Variants in ATP8B2 observed in about 807,000 individuals in gnomAD.
The protein encoded by ATP8B2 is phospholipid-transporting ATPase ID.
A neutral mutation model predicts 133.4 loss-of-function variants in ATP8B2; 70 were observed. That is an observed-to-expected ratio of 0.52 (90% CI 0.43 to 0.64). ATP8B2 has a LOEUF of 0.64. Ranked by LOEUF, ATP8B2 falls within the 30% of genes least tolerant of loss-of-function variation. The pLI is 0.00. For missense variants in ATP8B2, 1,101 were observed against 1,535.7 expected (o/e 0.72, Z 4.73); for synonymous variants, 517 against 589.5 (o/e 0.88, Z 1.78).
Position 154,348,612 on chromosome 1 carries a change from G to T in ATP8B2, c.3294+74G>T, listed in dbSNP as rs1166484797. 5.8e-6 allele frequency: 9 copies of T among 1,564,456 alleles called. No homozygotes were observed. In the East Asian group the frequency reaches 1.8e-4, roughly 31 times the overall value. The stretch of plus-strand genomic sequence containing the variant: ...AAAGGCCTCATGTGAACACTGGGGG[G>T]CTCTGTGGGGCCATGTGGCTGTTCA... On this transcript the variant is annotated intron_variant, in intron 27 of 27. Transcript: ENST00000368489.
chr1:154,340,396 C>T lies in ATP8B2; in HGVS notation c.1035-458C>T, dbSNP rs913232288. 2.9e-5 allele frequency: 5 copies of T among 172,082 alleles called. No individual in the cohort carries two copies. The highest frequency in any genetic ancestry group is 6.8e-5 in the Non-Finnish European group (5 of 73,620). 10.7% of individuals were successfully genotyped at this position (172,082 alleles called of 1,614,324 possible). A position where few individuals can be genotyped will look rare whatever the true frequency, so the allele number is the denominator to read the frequency against. On this transcript the variant is annotated intron_variant, in intron 12 of 27. Transcript: ENST00000368489. This position sits in a 1 kb window ranked among gnomAD's most constrained non-coding sequence, Gnocchi z 4.0. ...GGGCTTCAAGCCTTCTCCATTTCCC[C>T]TCCCCGGTGCCACCCCTCTTTGAGG... is the stretch of plus-strand genomic sequence containing the variant.
chr1:154,334,934 A>G lies in ATP8B2; in HGVS notation c.837+343A>G, dbSNP rs1686124945. On this transcript the variant is annotated intron_variant, in intron 11 of 27. Transcript: ENST00000368489. The surrounding 1 kb of genome is among the most constrained non-coding windows in gnomAD (Gnocchi z 4.6). ...GGGGATGGAGAGGGAATTAAAAGAAAAATTTCCATTTGGAAGAGGTTGGCA... is the reference window on the plus strand; with the variant it reads ...GGGGATGGAGAGGGAATTAAAAGAAGAATTTCCATTTGGAAGAGGTTGGCA... Among the ~76,000 whole-genome samples the G allele has an allele frequency of 2.6e-5, 4 of 152,164 alleles. No individual in the cohort carries two copies. Among genetic ancestry groups the G allele is most frequent in the African/African-American group, 9.7e-5 (4 of 41,438 alleles).
rs1558278246 is a variant in ATP8B2 at position 154,350,913 on chromosome 1, G to A, written c.*1795G>A. ...CCATATGGGAGCCCCAAAGGAACTG[G>A]ATGGGCTGCAGTGAGGTGGGGGCGG... On this transcript the variant is annotated 3_prime_UTR_variant, in exon 28 of 28. Transcript: ENST00000368489. 1 of 143,566 alleles carries A rather than the reference G, an allele frequency of 7.0e-6. No homozygotes were observed. The allele number at this position is 143,566 out of a possible 1,614,324, so 8.9% of individuals were successfully genotyped here. A position where few individuals can be genotyped will look rare whatever the true frequency, so the allele number is the denominator to read the frequency against.
At chr1:154,333,765 G>A (rs1316344088) in intron 9 of ATP8B2, among the ~76,000 whole-genome samples, 1 of 150,882 alleles carries the variant, frequency 6.6e-6, no homozygotes, top group Non-Finnish European at 1.5e-5. Context: ...CTCCCGATTA[G>A]CTAGAATTAC....
At chr1:154,337,201 C>T in intron 11 of ATP8B2, 147 bp from the exon 12 acceptor site, 1 of 791,516 alleles carries the variant, frequency 1.3e-6, no homozygotes, top group South Asian at 1.9e-5. Context: ...TGTTGGGCCA[C>T]ATGTGGCCCA....
At chr1:154,330,704 C>G in intron 3 of ATP8B2, 111 bp from the exon 4 acceptor site, 1 of 948,038 alleles carries the variant, frequency 1.1e-6, no homozygotes, top group South Asian at 1.5e-5. Context: ...CCTGTGTTTG[C>G]TAGCTTTTGG....
intron 2 of ATP8B2, chr1:154,329,037 C>T (rs1215912438): frequency 7.7e-7 from 1 of 1,303,660 alleles, no homozygotes; most frequent in African/African-American, 1.5e-5. Flanking sequence ...GCCCAGGCGC[C>T]TCCCTCTTGG....
Position 154,346,533 on chromosome 1 carries a change from T to C in ATP8B2, c.3024+57T>C, listed in dbSNP as rs1241461967. The C allele has an allele frequency of 2.5e-6, 4 of 1,606,478 alleles. No individual in the cohort carries two copies. Among genetic ancestry groups the C allele is most frequent in the South Asian group, 2.2e-5 (2 of 90,052 alleles). ...CTGGAAGGAGTGAGCCTTCTGTCCC[T>C]GGGGCTGCCCTGGGCACCACAGTTC... is the stretch of plus-strand genomic sequence containing the variant. On this transcript the variant is annotated intron_variant, in intron 25 of 27. Transcript: ENST00000368489. The surrounding 1 kb of genome is among the most constrained non-coding windows in gnomAD (Gnocchi z 4.5).
Position 154,346,130 on chromosome 1 carries a change from GAA to G in ATP8B2, c.2779-99_2779-98del. 6.6e-7 allele frequency: 1 copy of G among 1,509,798 alleles called. No individual in the cohort carries two copies. Among genetic ancestry groups the G allele is most frequent in the Non-Finnish European group, 9.0e-7 (1 of 1,113,238 alleles). 93.5% of individuals were successfully genotyped at this position (1,509,798 alleles called of 1,614,324 possible). A position where few individuals can be genotyped will look rare whatever the true frequency, so the allele number is the denominator to read the frequency against. Reference sequence around the variant, plus strand: ...TTGGTTCTAGCTGCCAAAGACTTTGGAAAGGAGGAGGCAGGGACAGAGTCAGA... The same window carrying G: ...TTGGTTCTAGCTGCCAAAGACTTTGGAGGAGGAGGCAGGGACAGAGTCAGA... On this transcript the variant is annotated intron_variant, in intron 24 of 27. Coordinates refer to ENST00000368489, the MANE Select transcript of ATP8B2 (RefSeq NM_001370597.1). This position sits in a 1 kb window ranked among gnomAD's most constrained non-coding sequence, Gnocchi z 4.5.
rs1210988650 is a variant in ATP8B2, at chr1:154,330,920, A to C, written c.196A>C (p.Ile66Leu). The C allele has an allele frequency of 1.2e-6, 2 of 1,613,302 alleles. No individual in the cohort carries two copies. The highest frequency in any genetic ancestry group is 1.7e-5 in the Admixed American group (1 of 59,982). Reference sequence around the variant, plus strand: ...CAACACTTACTTCCTGTTCCTCCTCATTCTGCAGGTAGGTGACCCATAGTA... The same window carrying C: ...CAACACTTACTTCCTGTTCCTCCTCCTTCTGCAGGTAGGTGACCCATAGTA... ...VANTYFLFLL[I>L]LQLIPQISSL... The change falls in exon 4 of 28, where the codon ATT (isoleucine) becomes CTT (leucine). Residue 66 changes from isoleucine (I) to leucine (L), a missense_variant. By Grantham distance (5) the Ile-to-Leu change is conservative. Coordinates refer to ENST00000368489, the MANE Select transcript of ATP8B2 (RefSeq NM_001370597.1).
intron 13 of ATP8B2, 72 bp from the exon 14 acceptor site, chr1:154,342,408 G>A: frequency 1.4e-6 from 2 of 1,459,314 alleles, no homozygotes; most frequent in Non-Finnish European, 1.9e-6. Context: ...ATTCTGCATT[G>A]GAGATGTTTT....
Position 154,346,723 on chromosome 1 carries a change from T to C in ATP8B2, c.3128T>C (p.Leu1043Pro). The C allele has an allele frequency of 6.2e-7, 1 of 1,614,178 alleles. No homozygotes were observed. Among genetic ancestry groups the C allele is most frequent in the South Asian group, 1.1e-5 (1 of 91,076 alleles). ...AILFAMHSNG[L>P]FDMFPNQFRF... ...CTCTTTGCCATGCACAGCAATGGGC[T>C]CTTCGACATGTTTCCCAACCAGTTC... Residue 1043 changes from leucine to proline, a missense_variant, in exon 26 of 28, where the codon CTC (leucine) becomes CCC (proline). Coordinates refer to ENST00000368489, the MANE Select transcript of ATP8B2 (RefSeq NM_001370597.1). This position sits in a 1 kb window ranked among gnomAD's most constrained non-coding sequence, Gnocchi z 4.5.
At position 154,337,422 on chromosome 1, in the gene ATP8B2, G is replaced by A. The variant is rs112847210; in HGVS notation, c.912G>A (p.Met304Ile). The change falls in exon 12 of 28, where the codon ATG becomes ATA. Residue 304 changes from methionine (M) to isoleucine (I), a missense_variant. Met to Ile is a conservative substitution (Grantham distance 10, BLOSUM62 1). Transcript: ENST00000368489. ...CCATCTGGGAGCACGAGGTGGGGAT[G>A]CGTTTCCAGGTCTACCTGCCGTGGG... ...GNAIWEHEVG[M>I]RFQVYLPWDE... is the part of the protein sequence containing the mutation. 6.2e-7 allele frequency: 1 copy of A among 1,614,208 alleles called. No individual in the cohort carries two copies. The highest frequency in any genetic ancestry group is 8.5e-7 in the Non-Finnish European group (1 of 1,180,044).
Position 154,345,409 on chromosome 1 carries a change from T to G in ATP8B2, c.2558T>G (p.Leu853Arg), listed in dbSNP as rs1315532422. The change falls in exon 23 of 28, where the codon CTG becomes CGG. Residue 853 changes from leucine to arginine, a missense_variant. Leu to Arg is a moderately radical substitution (Grantham distance 102). Transcript: ENST00000368489. This position sits in a 1 kb window ranked among gnomAD's most constrained non-coding sequence, Gnocchi z 5.6. ...SDYSFSQFKF[L>R]QRLLLVHGRW... is the part of the protein sequence containing the mutation. The stretch of plus-strand genomic sequence containing the variant: ...TACTCCTTCTCCCAGTTCAAGTTCC[T>G]GCAGCGCCTCCTGCTGGTGCATGGG... 1 of 1,614,226 alleles carries G rather than the reference T, an allele frequency of 6.2e-7. No individual in the cohort carries two copies. Among genetic ancestry groups the G allele is most frequent in the South Asian group, 1.1e-5 (1 of 91,088 alleles).
chr1:154,342,896 A>C lies in ATP8B2; in HGVS notation c.1388A>C (p.His463Pro), dbSNP rs751108404. 3.1e-6 allele frequency: 5 copies of C among 1,614,156 alleles called. No homozygotes were observed. Among genetic ancestry groups the C allele is most frequent in the East Asian group, 2.2e-5 (1 of 44,864 alleles). ...LLEAVKIGDP[H>P]THEFFRLLSL... ...GAGGCTGTCAAGATCGGGGACCCCC[A>C]CACGCATGAGTTCTTCCGCCTCCTT... The change falls in exon 15 of 28, where the codon CAC (histidine) becomes CCC (proline). Residue 463 changes from histidine (H) to proline (P), a missense_variant. His to Pro is a moderately conservative substitution (Grantham distance 77). Transcript: ENST00000368489.
At position 154,344,647 on chromosome 1, in the gene ATP8B2, C is replaced by T. The variant is rs147496469; in HGVS notation, c.2148C>T (p.Ala716=). The T allele has an allele frequency of 1.0e-5, 16 of 1,607,994 alleles. No homozygotes were observed. The African/African-American group carries it at 1.9e-4, about 19-fold the overall frequency. The change falls in exon 21 of 28, where the codon GCC becomes GCT. Residue 716 remains alanine (A), a synonymous_variant. Transcript: ENST00000368489. This position sits in a 1 kb window ranked among gnomAD's most constrained non-coding sequence, Gnocchi z 4.1. ...VLEVREELRK[A]REKMMDSSRS... is the part of the protein sequence containing the mutation. ...ATCATTTCCACCTCGACAGGAAAGC[C>T]CGGGAGAAGATGATGGACTCATCCC...
In ATP8B2 at chr1:154,346,241, A is replaced by C. The variant is rs1312811280; in HGVS notation, c.2789A>C (p.Glu930Ala). 6.2e-7 allele frequency: 1 copy of C among 1,613,800 alleles called. No individual in the cohort carries two copies. The highest frequency in any genetic ancestry group is 1.1e-5 in the South Asian group (1 of 91,072). Residue 930 changes from glutamate to alanine, a missense_variant, in exon 25 of 28, where the codon GAG (glutamate) becomes GCG (alanine). Physicochemically the swap from Glu to Ala is moderately radical, Grantham distance 107. Transcript: ENST00000368489. This position sits in a 1 kb window ranked among gnomAD's most constrained non-coding sequence, Gnocchi z 4.5. ...GGTCCTCCCACACAGGATGTCCCCG[A>C]GCAGCGGAGCATGGAGTACCCTAAG... ...AMGVFDQDVP[E>A]QRSMEYPKLY...
intron 9 of ATP8B2, among the ~76,000 whole-genome samples, chr1:154,333,515 A>G (rs897286167): frequency 9.5e-6 from 1 of 105,578 alleles, no homozygotes; most frequent in Non-Finnish European, 2.0e-5. Flanking sequence ...AAAAAAAAAA[A>G]GAAGAAGAAA....
At chr1:154,325,766 T>A (rs1172665725) in intron 1 of ATP8B2, 64 bp downstream of exon 1, 14 of 152,324 alleles carry the variant, frequency 9.2e-5, no homozygotes, top group Non-Finnish European at 2.9e-5. Flanking sequence ...CAGAGGGAGA[T>A]GCGGCCGCAG....
Sources: allele counts gnomAD v4.1 joint callset (sites outside exome capture counted in the v4.1 genomes callset), GRCh38; gene constraint gnomAD v4.1.1; non-coding constraint Gnocchi (gnomAD v3.1); transcripts MANE v1.5; gene names NCBI Gene and HGNC (gene_info 2026-07-23, HGNC 2026-07-21).